Variants in MAPRE2 observed in about 807,000 individuals in gnomAD.
The protein encoded by MAPRE2 is microtubule-associated protein RP/EB family member 2.
MAPRE2 carries 13 observed loss-of-function variants against 43.2 expected under a neutral mutation model. That is an observed-to-expected ratio of 0.30 (90% confidence interval 0.20 to 0.48). The LOEUF (loss-of-function observed/expected upper bound fraction) is 0.48. Ranked by LOEUF, MAPRE2 falls within the 20% of genes least tolerant of loss-of-function variation. The pLI, the probability that MAPRE2 is intolerant of heterozygous loss-of-function variation, is 0.99. For synonymous variants in MAPRE2, 135 were observed against 148.8 expected (o/e 0.91, Z 0.68); for missense variants, 161 against 400.2 (o/e 0.40, Z 5.10).
intron 2 of MAPRE2, among the ~76,000 whole-genome samples, chr18:35,018,079 G>A (rs1215239845): frequency 6.6e-6 from 1 of 151,952 alleles, no homozygotes; most frequent in Non-Finnish European, 1.5e-5. Flanking sequence ...CAGGGTCTTT[G>A]TTTTTAATTC....
chr18:35,043,749 C>T (rs1905481207), intron 1 of MAPRE2, among the ~76,000 whole-genome samples: 1 of 152,144 alleles, frequency 6.6e-6, no homozygotes, highest in African/African-American at 2.4e-5. Context: ...AAGAAGGAAG[C>T]CTCTCAAATT....
chr18:34,987,043 C>A (rs7245165), intron 1 of MAPRE2, among the ~76,000 whole-genome samples: 88,590 of 151,900 alleles, frequency 0.58, 26,515 homozygotes, highest in East Asian at 0.73. Context: ...GGAAAAAAAG[C>A]CATTAACTGA....
intron 1 of MAPRE2, among the ~76,000 whole-genome samples, chr18:35,055,049 A>G (rs1906146166): frequency 6.6e-6 from 1 of 152,242 alleles, no homozygotes; most frequent in Non-Finnish European, 1.5e-5. Flanking sequence ...TGTGAAGAAA[A>G]TATGAAAAAA....
At chr18:35,003,446 T>C (rs948015802) in intron 1 of MAPRE2, among the ~76,000 whole-genome samples, 1 of 152,238 alleles carries the variant, frequency 6.6e-6, no homozygotes, top group Non-Finnish European at 1.5e-5. Flanking sequence ...TCATTTATAA[T>C]AAGATAGTTT....
At chr18:35,063,178 A>C (rs1161620538) in intron 1 of MAPRE2, among the ~76,000 whole-genome samples, 1 of 151,870 alleles carries the variant, frequency 6.6e-6, no homozygotes, top group African/African-American at 2.4e-5. Context: ...ATCTCGGCTC[A>C]CTGCAAGCTC....
chr18:35,121,669 G>A (rs994327152), intron 4 of MAPRE2, among the ~76,000 whole-genome samples: 3 of 152,102 alleles, frequency 2.0e-5, no homozygotes, highest in Non-Finnish European at 4.4e-5. Flanking sequence ...AGCCAAAGTA[G>A]GTGCACTCTC....
chr18:35,053,422 A>C (rs1367882851), intron 1 of MAPRE2, among the ~76,000 whole-genome samples: 1 of 152,052 alleles, frequency 6.6e-6, no homozygotes, highest in Admixed American at 6.6e-5. Flanking sequence ...ATAAAAAAAC[A>C]GTATTTAATA....
chr18:35,094,603 A>G (rs1021759618), intron 2 of MAPRE2, among the ~76,000 whole-genome samples: 1 of 152,240 alleles, frequency 6.6e-6, no homozygotes, highest in Non-Finnish European at 1.5e-5. Context: ...TTAGTGGTTT[A>G]GGTTGAAAAT....
intron 2 of MAPRE2, among the ~76,000 whole-genome samples, chr18:35,029,871 C>T (rs2097046983): frequency 6.6e-6 from 1 of 152,174 alleles, no homozygotes; most frequent in Admixed American, 6.5e-5. Flanking sequence ...CTCAAATAGA[C>T]ATGTCTGTAT....
chr18:35,069,390 A>T (rs986469951), intron 1 of MAPRE2, among the ~76,000 whole-genome samples: 19 of 122,402 alleles, frequency 1.6e-4, no homozygotes, highest in South Asian at 4.4e-4. Flanking sequence ...TGTTTTTTTT[A>T]AAAATTATTT....
At chr18:35,111,418 A>G (rs1037137028) in intron 4 of MAPRE2, among the ~76,000 whole-genome samples, 1 of 152,122 alleles carries the variant, frequency 6.6e-6, no homozygotes, top group Non-Finnish European at 1.5e-5. Context: ...CACAATTGAC[A>G]TCTGTTGATT....
intron 2 of MAPRE2, among the ~76,000 whole-genome samples, chr18:35,014,991 T>C (rs987729632): frequency 2.0e-5 from 3 of 152,148 alleles, no homozygotes; most frequent in Admixed American, 2.0e-4. Context: ...TGACATGTCT[T>C]ATCAAAATTT....
At chr18:35,081,006 C>G (rs1907604440) in intron 2 of MAPRE2, among the ~76,000 whole-genome samples, 1 of 152,182 alleles carries the variant, frequency 6.6e-6, no homozygotes, top group African/African-American at 2.4e-5. Flanking sequence ...TGCAGTTTCT[C>G]TTCGCATTCT....
chr18:35,076,825 C>T (rs73946511), intron 2 of MAPRE2, among the ~76,000 whole-genome samples: 4,099 of 152,220 alleles, frequency 0.027, 86 homozygotes, highest in African/African-American at 0.058. Context: ...AGGAATGCAC[C>T]AGATACTTTT....
intron 1 of MAPRE2, chr18:34,988,481 G>GAAAGCGA (rs2097022121): frequency 6.6e-6 from 1 of 152,132 alleles, no homozygotes; most frequent in African/African-American, 2.4e-5. Flanking sequence ...GTCAAATAGA[G>GAAAGCGA]AAAGCGAAGT....
intron 2 of MAPRE2, among the ~76,000 whole-genome samples, chr18:35,011,503 A>G (rs1305247941): frequency 6.6e-6 from 1 of 152,246 alleles, no homozygotes; most frequent in Admixed American, 6.5e-5. Flanking sequence ...TTGCCAGGCT[A>G]AAGAAGAACT....
chr18:35,106,477 C>A (rs1171192133), intron 4 of MAPRE2, among the ~76,000 whole-genome samples: 1 of 151,994 alleles, frequency 6.6e-6, no homozygotes, highest in Admixed American at 6.6e-5. Context: ...CATGAAAGGA[C>A]TCAGTCTACA....
At chr18:35,020,776 C>T (rs966146834) in intron 2 of MAPRE2, among the ~76,000 whole-genome samples, 25 of 152,184 alleles carry the variant, frequency 1.6e-4, no homozygotes, top group African/African-American at 5.5e-4. Context: ...TTGATATTTT[C>T]GTTGTATAGT....
chr18:35,053,008 C>A (rs1414780799), intron 1 of MAPRE2, among the ~76,000 whole-genome samples: 3 of 56,660 alleles, frequency 5.3e-5, no homozygotes, highest in African/African-American at 1.0e-4. Flanking sequence ...AAAGTCCCCC[C>A]CACACACACA....
Sources: gnomAD v4.1 joint callset for allele counts (sites outside exome capture counted in the v4.1 genomes callset) on GRCh38, gnomAD v4.1.1 for gene constraint, MANE v1.5 for transcripts, NCBI Gene and HGNC (gene_info 2026-07-23, HGNC 2026-07-21) for gene names.